Variants in UBE3B observed in about 807,000 individuals in gnomAD.
UBE3B encodes ubiquitin-protein ligase E3B.
In UBE3B, 80 loss-of-function variants were observed where a neutral mutation model predicts 132.3. The ratio of observed to expected loss-of-function variants is 0.60; its 90% confidence interval spans 0.50 to 0.73. UBE3B has a LOEUF of 0.73. Among genes scored for constraint, UBE3B ranks in the 30% least tolerant of loss-of-function variants. UBE3B has a pLI of 0.00. For missense variants in UBE3B, 1,196 were observed against 1,362.5 expected (o/e 0.88, Z 1.92); for synonymous variants, 487 against 520.4 (o/e 0.94, Z 0.87).
At chr12:109,514,681 A>G (rs539361108) in intron 18 of UBE3B, among the ~76,000 whole-genome samples, 205 of 152,188 alleles carry the variant, frequency 1.3e-3, no homozygotes, top group African/African-American at 4.8e-3. Context: ...CAAAAGTCCT[A>G]CAGTTCCCCT....
At chr12:109,483,830 A>G (rs979019682) in intron 3 of UBE3B, 31 bp from the exon 4 acceptor site, 11 of 1,599,522 alleles carry the variant, frequency 6.9e-6, no homozygotes, top group East Asian at 6.7e-5. Flanking sequence ...CTGTTAATTT[A>G]AAATGTCTTT....
At chr12:109,514,215 G>A (rs1410617340) in intron 18 of UBE3B, among the ~76,000 whole-genome samples, 1 of 152,196 alleles carries the variant, frequency 6.6e-6, no homozygotes, top group South Asian at 2.1e-4. Context: ...TTACCCAGAA[G>A]GCCTAAGAGG....
intron 2 of UBE3B, among the ~76,000 whole-genome samples, chr12:109,483,279 T>C (rs1430050880): frequency 1.3e-5 from 2 of 152,180 alleles, no homozygotes; most frequent in Non-Finnish European, 2.9e-5. Context: ...TGCCAGGTGC[T>C]GTGCTCTTTC....
chr12:109,500,587 G>A (rs766730318), intron 12 of UBE3B, among the ~76,000 whole-genome samples: 1 of 152,236 alleles, frequency 6.6e-6, no homozygotes, highest in Non-Finnish European at 1.5e-5. Flanking sequence ...TCAGCCTGAG[G>A]AGGATGGGGC....
Position 109,521,560 on chromosome 12 carries a change from G to C in UBE3B, c.2364+9G>C. 1 of 1,545,288 alleles carries C rather than the reference G, an allele frequency of 6.5e-7. No individual in the cohort carries two copies. The highest frequency in any genetic ancestry group is 1.2e-5 in the South Asian group (1 of 81,370). ...GGAAGGCTGTGTATGAGGTAGGAAC[G>C]TTAAGAAACAGAGAAATGTAAAATA... On this transcript the variant is annotated intron_variant, in intron 21 of 27. Transcript: ENST00000342494. This position sits in a 1 kb window ranked among gnomAD's most constrained non-coding sequence, Gnocchi z 4.2.
At chr12:109,547,690 ACCCTC>A in the UBE3B span, among the ~76,000 whole-genome samples, 1 of 151,898 alleles carries the variant, frequency 6.6e-6, no homozygotes, top group Non-Finnish European at 1.5e-5. This position sits in a 1 kb window ranked among gnomAD's most constrained non-coding sequence, Gnocchi z 4.1. Flanking sequence ...GTTTCCTTGA[ACCCTC>A]CCCCAAACCC....
chr12:109,498,512 T>A (rs1228510234), intron 11 of UBE3B, among the ~76,000 whole-genome samples, 159 bp downstream of exon 11: 1 of 152,208 alleles, frequency 6.6e-6, no homozygotes, highest in Non-Finnish European at 1.5e-5. Flanking sequence ...AATAGACATG[T>A]AAATAAAAAT....
chr12:109,481,330 A>C (rs1401633295), intron 1 of UBE3B, among the ~76,000 whole-genome samples: 1 of 151,444 alleles, frequency 6.6e-6, no homozygotes, highest in Admixed American at 6.6e-5. Context: ...AAAAAAAAGG[A>C]AAATGTCAAA....
chr12:109,503,776 G>A (rs1017763227), intron 14 of UBE3B, among the ~76,000 whole-genome samples: 5 of 152,220 alleles, frequency 3.3e-5, no homozygotes, highest in African/African-American at 1.2e-4. Context: ...CTTTTAGGTT[G>A]CAGCACAGTT....
chr12:109,510,227 T>C lies in UBE3B; in HGVS notation c.1742-117T>C, dbSNP rs868642659. The C allele has an allele frequency of 3.3e-5, 27 of 814,812 alleles. No homozygotes were observed. The Middle Eastern group carries it at 2.0e-3, about 62-fold the overall frequency. 50.5% of individuals were successfully genotyped at this position (814,812 alleles called of 1,614,324 possible). On this transcript the variant is annotated intron_variant, in intron 16 of 27. Coordinates refer to ENST00000342494, the MANE Select transcript of UBE3B (RefSeq NM_130466.4). ...CTTTTAATTCTGTCGGTTCCACATATAATTCAGAGCGAGGGAGATCAAGGA... is the reference window on the plus strand; with the variant it reads ...CTTTTAATTCTGTCGGTTCCACATACAATTCAGAGCGAGGGAGATCAAGGA...
intron 18 of UBE3B, among the ~76,000 whole-genome samples, chr12:109,513,259 C>T (rs1004466584): frequency 6.6e-6 from 1 of 152,114 alleles, no homozygotes; most frequent in African/African-American, 2.4e-5. Flanking sequence ...ATCGTCTAGA[C>T]CCTCCGCTCT....
rs145724590 is a variant in UBE3B, at chr12:109,497,824, G to T, written c.720G>T (p.Val240=). The change falls in exon 10 of 28, where the codon GTG becomes GTT. Residue 240 remains valine, a synonymous_variant. Coordinates refer to ENST00000342494, the MANE Select transcript of UBE3B (RefSeq NM_130466.4). ...TGGATCTATCTGTGTCTAGCCCTGT[G>T]ATTGCTGCACAGTTCTCAGACAATC... The part of the protein sequence containing the change: ...TAAFSLALRP[V]IAAQFSDNLI... The T allele has an allele frequency of 6.2e-7, 1 of 1,614,004 alleles. No homozygotes were observed. The highest frequency in any genetic ancestry group is 8.5e-7 in the Non-Finnish European group (1 of 1,180,034).
intron 13 of UBE3B, among the ~76,000 whole-genome samples, chr12:109,502,413 A>G (rs1408346716): frequency 6.6e-6 from 1 of 152,206 alleles, no homozygotes; most frequent in East Asian, 1.9e-4. Flanking sequence ...AGTTATGGAA[A>G]GGCCACTAAT....
chr12:109,531,784 A>C (rs1031573887), intron 26 of UBE3B, among the ~76,000 whole-genome samples: 3 of 152,120 alleles, frequency 2.0e-5, no homozygotes, highest in African/African-American at 7.2e-5. Flanking sequence ...GAAGTGCCTC[A>C]TGGGCAAAGC....
Position 109,521,954 on chromosome 12 carries a change from G to C in UBE3B, c.2364+403G>C, listed in dbSNP as rs1441465208. Among the ~76,000 whole-genome samples, 1 of 152,168 alleles carries C rather than the reference G, an allele frequency of 6.6e-6. No homozygotes were observed. The highest frequency in any genetic ancestry group is 2.4e-5 in the African/African-American group (1 of 41,436). On this transcript the variant is annotated intron_variant, in intron 21 of 27. Transcript: ENST00000342494. This position sits in a 1 kb window ranked among gnomAD's most constrained non-coding sequence, Gnocchi z 4.2. ...GAGCCAGATGGCCACACGGAGGCTGGGTCCCCGTTGTAGGAGGGCAGCATT... is the reference window on the plus strand; with the variant it reads ...GAGCCAGATGGCCACACGGAGGCTGCGTCCCCGTTGTAGGAGGGCAGCATT...
intron 1 of UBE3B, among the ~76,000 whole-genome samples, chr12:109,481,059 C>A (rs1015641380): frequency 6.6e-6 from 1 of 150,464 alleles, no homozygotes; most frequent in African/African-American, 2.4e-5. Flanking sequence ...GAGCCAATAT[C>A]GCGCCACTGC....
chr12:109,503,698 A>G (rs1408032928), intron 14 of UBE3B, among the ~76,000 whole-genome samples: 1 of 152,254 alleles, frequency 6.6e-6, no homozygotes, highest in East Asian at 1.9e-4. Context: ...GGATATGCCC[A>G]ACATTTTCCT....
chr12:109,501,705 G>A (rs1292564487), intron 13 of UBE3B, among the ~76,000 whole-genome samples, 171 bp downstream of exon 13: 1 of 152,168 alleles, frequency 6.6e-6, no homozygotes, highest in African/African-American at 2.4e-5. Context: ...AGGCTACAGT[G>A]CAGTGGCATG....
rs141825379 is a variant in UBE3B, at chr12:109,510,428, G to A, written c.1826G>A (p.Arg609His). Residue 609 changes from arginine (R) to histidine (H), a missense_variant, in exon 17 of 28, where the codon CGC (arginine) becomes CAC (histidine). By Grantham distance (29) the Arg-to-His change is conservative (BLOSUM62 0). Coordinates refer to ENST00000342494, the MANE Select transcript of UBE3B (RefSeq NM_130466.4). ...CTGTACGAGCGGGACTGCCGGCGGCGCTTCACCCCCGAGGACCACTGGCTG... is the reference window on the plus strand; with the variant it reads ...CTGTACGAGCGGGACTGCCGGCGGCACTTCACCCCCGAGGACCACTGGCTG... ...MVLYERDCRR[R>H]FTPEDHWLRK... 7 of 1,612,578 alleles carry A rather than the reference G, an allele frequency of 4.3e-6. No homozygotes were observed. The highest frequency in any genetic ancestry group is 1.3e-5 in the African/African-American group (1 of 74,994).
Sources: gnomAD v4.1 joint callset for allele counts (sites outside exome capture counted in the v4.1 genomes callset) on GRCh38, gnomAD v4.1.1 for gene constraint, Gnocchi (gnomAD v3.1) non-coding constraint, MANE v1.5 for transcripts, NCBI Gene and HGNC (gene_info 2026-07-23, HGNC 2026-07-21) for gene names.